Variants in CCBE1 observed in about 807,000 individuals in gnomAD.
CCBE1 encodes collagen and calcium binding EGF domains 1.
CCBE1 carries 37 observed loss-of-function variants against 50.0 expected under a neutral mutation model. That is an observed-to-expected ratio of 0.74 (90% CI 0.57 to 0.97). The LOEUF (loss-of-function observed/expected upper bound fraction) is 0.97, where lower values mean the gene tolerates loss of function less well. CCBE1 is among the 50% of genes least tolerant of loss of function. The probability of loss-of-function intolerance (pLI) is 0.00; values close to 1 mark genes in which losing one functional copy is unlikely to be tolerated. For missense variants in CCBE1, 538 were observed against 523.8 expected, an observed-to-expected ratio of 1.03 and a Z score of -0.26; for synonymous variants, 234 against 203.7, an observed-to-expected ratio of 1.15 and a Z score of -1.27.
intron 2 of CCBE1, among the ~76,000 whole-genome samples, chr18:59,509,743 C>T (rs1914047980): frequency 1.3e-5 from 2 of 152,170 alleles, no homozygotes; most frequent in South Asian, 4.1e-4. Context: ...TCATGTGCGC[C>T]CTGCACTGAC....
intron 4 of CCBE1, among the ~76,000 whole-genome samples, chr18:59,468,407 G>A (rs773180808): frequency 1.7e-4 from 26 of 149,376 alleles, no homozygotes; most frequent in Non-Finnish European, 3.4e-4. Context: ...ATAAAGAATA[G>A]GGTACAGTAG....
In CCBE1 at chr18:59,469,598, ACGT is replaced by A. The variant is rs768485890; in HGVS notation, c.272_274del (p.Asp91del). 1 of 1,614,152 alleles carries A rather than the reference ACGT, an allele frequency of 6.2e-7. No homozygotes were observed. Among genetic ancestry groups the A allele is most frequent in the East Asian group, 2.2e-5 (1 of 44,880 alleles). ...CTGTTCACAGGGAGCCTCGGCACAA[ACGT>A]CGTAATCTGAAAAAGCAAAGTGAGA... On this transcript the variant is annotated inframe_deletion, in exon 4 of 11. Coordinates refer to ENST00000439986, the MANE Select transcript of CCBE1 (RefSeq NM_133459.4).
At position 59,549,131 on chromosome 18, in the gene CCBE1, C is replaced by G. The variant is rs142171668; in HGVS notation, c.213-68893G>C. ...AAAAAAAAAAAAAAAATTCACTTTG[C>G]ATGGTGAGGGTCTTCTTTTCACTTG... On this transcript the variant is annotated intron_variant, in intron 2 of 10. Coordinates refer to ENST00000439986, the MANE Select transcript of CCBE1 (RefSeq NM_133459.4). 6.2e-3 allele frequency among the ~76,000 whole-genome samples: 908 copies of G among 147,608 alleles called. 10 individuals carry two copies. The highest frequency in any genetic ancestry group is 0.021 in the African/African-American group (857 of 40,194).
chr18:59,654,454 C>T (rs777316877), intron 2 of CCBE1, among the ~76,000 whole-genome samples: 9 of 152,058 alleles, frequency 5.9e-5, no homozygotes, highest in Non-Finnish European at 1.3e-4. Context: ...GGCAAAACCC[C>T]GTCTACTAAA....
chr18:59,644,312 C>T (rs1484285159), intron 2 of CCBE1, among the ~76,000 whole-genome samples: 1 of 152,190 alleles, frequency 6.6e-6, no homozygotes, highest in Non-Finnish European at 1.5e-5. Flanking sequence ...TACCAGTCTG[C>T]AGCCCAGGAG....
rs1202647318 is a variant in CCBE1, at chr18:59,436,008, A to G, written c.1121T>C (p.Phe374Ser). 1 of 1,614,102 alleles carries G rather than the reference A, an allele frequency of 6.2e-7. No individual in the cohort carries two copies. The highest frequency in any genetic ancestry group is 1.1e-5 in the South Asian group (1 of 91,072). Residue 374 changes from phenylalanine to serine, a missense_variant, in exon 11 of 11, where the codon TTT becomes TCT. Physicochemically the swap from Phe to Ser is radical, Grantham distance 155. Coordinates refer to ENST00000439986, the MANE Select transcript of CCBE1 (RefSeq NM_133459.4). ...GTCCATGGCTTCTGGGTAGCTGGGAAATTCCTGAGGTAAAGGGAACTCCTC... is the reference window on the plus strand; with the variant it reads ...GTCCATGGCTTCTGGGTAGCTGGGAGATTCCTGAGGTAAAGGGAACTCCTC... ...SAEEFPLPQE[F>S]PSYPEAMDLG...
chr18:59,511,626 T>C (rs1410463286), intron 2 of CCBE1, among the ~76,000 whole-genome samples: 1 of 152,272 alleles, frequency 6.6e-6, no homozygotes, highest in Non-Finnish European at 1.5e-5. Context: ...CAAATTATTC[T>C]GTTCTAGCTT....
intron 2 of CCBE1, among the ~76,000 whole-genome samples, chr18:59,534,158 G>A (rs1277156673): frequency 6.6e-6 from 1 of 152,094 alleles, no homozygotes; most frequent in Non-Finnish European, 1.5e-5. Flanking sequence ...AATGATAAAT[G>A]AATGTTTGAC....
intron 2 of CCBE1, among the ~76,000 whole-genome samples, chr18:59,612,763 T>C (rs2053588124): frequency 6.6e-6 from 1 of 150,714 alleles, no homozygotes; most frequent in Non-Finnish European, 1.5e-5. Flanking sequence ...TGGCCTTGGG[T>C]GACTTCCTTT....
At chr18:59,521,218 T>C (rs533164931) in intron 2 of CCBE1, among the ~76,000 whole-genome samples, 2 of 152,324 alleles carry the variant, frequency 1.3e-5, no homozygotes, top group African/African-American at 4.8e-5. Flanking sequence ...AAGAGCCAAA[T>C]TCTAAAAAGC....
intron 2 of CCBE1, among the ~76,000 whole-genome samples, chr18:59,683,412 T>C (rs575730912): frequency 2.0e-5 from 3 of 152,244 alleles, no homozygotes; most frequent in African/African-American, 7.2e-5. Context: ...AAAAAGACAG[T>C]TGGCCAGGCG....
intron 2 of CCBE1, among the ~76,000 whole-genome samples, chr18:59,651,505 A>G (rs1037766710): frequency 6.6e-6 from 1 of 152,230 alleles, no homozygotes. Flanking sequence ...TCACAGAACT[A>G]AATCAAGATT....
intron 2 of CCBE1, among the ~76,000 whole-genome samples, chr18:59,681,049 G>GAAA (rs34876275): frequency 2.3e-5 from 2 of 85,462 alleles, no homozygotes; most frequent in Non-Finnish European, 2.5e-5. Flanking sequence ...ATTTGGCTGA[G>GAAA]AAAAAAAAAA....
intron 2 of CCBE1, among the ~76,000 whole-genome samples, chr18:59,510,098 G>A (rs1232079217): frequency 2.6e-5 from 4 of 152,196 alleles, no homozygotes; most frequent in Non-Finnish European, 5.9e-5. Context: ...CCAACACTGG[G>A]AAGGCCAGCT....
intron 2 of CCBE1, among the ~76,000 whole-genome samples, chr18:59,490,382 T>TC (rs1164735359): frequency 1.6e-5 from 2 of 122,952 alleles, no homozygotes; most frequent in Non-Finnish European, 3.2e-5. Flanking sequence ...GACAGGATAT[T>TC]CCCCCTTTTT....
At chr18:59,505,768 C>T (rs1235646245) in intron 2 of CCBE1, among the ~76,000 whole-genome samples, 1 of 152,120 alleles carries the variant, frequency 6.6e-6, no homozygotes, top group Non-Finnish European at 1.5e-5. Context: ...GGCAGCTAAG[C>T]CCAAAGAGGG....
chr18:59,524,571 C>T (rs1568186472), intron 2 of CCBE1, among the ~76,000 whole-genome samples: 1 of 152,018 alleles, frequency 6.6e-6, no homozygotes, highest in Non-Finnish European at 1.5e-5. Context: ...ATTAGGGTAA[C>T]CTTGAAATTT....
chr18:59,598,317 A>G (rs1457013318), intron 2 of CCBE1, among the ~76,000 whole-genome samples: 1 of 152,142 alleles, frequency 6.6e-6, no homozygotes, highest in African/African-American at 2.4e-5. Flanking sequence ...TCGCCCCCTC[A>G]CCGCTGTGGG....
intron 2 of CCBE1, among the ~76,000 whole-genome samples, chr18:59,692,857 G>A (rs1435851216): frequency 7.4e-5 from 11 of 147,770 alleles, no homozygotes; most frequent in African/African-American, 5.0e-5. Context: ...CTACCACTTA[G>A]CCTCCACGTG....
Sources: gnomAD v4.1 joint callset for allele counts (sites outside exome capture counted in the v4.1 genomes callset) on GRCh38, gnomAD v4.1.1 for gene constraint, MANE v1.5 for transcripts, NCBI Gene and HGNC (gene_info 2026-07-23, HGNC 2026-07-21) for gene names.